PPP6C: variants seen among roughly 807,000 people sequenced by gnomAD.
PPP6C encodes the protein protein phosphatase 6 catalytic subunit.
In PPP6C, 11 loss-of-function variants were observed where a neutral mutation model predicts 39.8. That is an observed-to-expected ratio of 0.28 (90% CI 0.17 to 0.46). The LOEUF is 0.46. Among genes scored for constraint, PPP6C ranks in the 20% least tolerant of loss-of-function variants. PPP6C has a pLI of 1.00. For synonymous variants in PPP6C, 129 were observed against 130.3 expected, an observed-to-expected ratio of 0.99 and a Z score of 0.07; for missense variants, 211 against 373.9, an observed-to-expected ratio of 0.56 and a Z score of 3.59.
At chr9:125,157,152 A>G (rs971338419) in intron 4 of PPP6C, among the ~76,000 whole-genome samples, 2 of 108,528 alleles carry the variant, frequency 1.8e-5, no homozygotes, top group Admixed American at 1.3e-4. Flanking sequence ...TGCCCGGCTA[A>G]TTTTTGTATT....
At chr9:125,174,062 T>C (rs1361962008) in intron 1 of PPP6C, among the ~76,000 whole-genome samples, 1 of 152,230 alleles carries the variant, frequency 6.6e-6, no homozygotes, top group Non-Finnish European at 1.5e-5. Context: ...CCCTGCTATA[T>C]ACAGGGAACT....
At chr9:125,183,500 G>A (rs1829461365) in intron 1 of PPP6C, among the ~76,000 whole-genome samples, 1 of 152,072 alleles carries the variant, frequency 6.6e-6, no homozygotes, top group Non-Finnish European at 1.5e-5. Context: ...ACGAATCACA[G>A]TATGATTTTT....
rs5900644 is a variant in PPP6C at position 125,147,807 on chromosome 9, GAA to G, written c.*1864_*1865del. 1.6e-4 allele frequency: 24 copies of G among 151,574 alleles called. No individual in the cohort carries two copies. Among genetic ancestry groups the G allele is most frequent in the South Asian group, 9.6e-4 (5 of 5,222 alleles). The allele number at this position is 151,574 out of a possible 1,614,324, so 9.4% of individuals were successfully genotyped here. On this transcript the variant is annotated 3_prime_UTR_variant, in exon 7 of 7. Coordinates refer to ENST00000373547, the MANE Select transcript of PPP6C (RefSeq NM_002721.5). ...ACTTAAATACAATTTATGGTAACAG[GAA>G]AAAAAAAAATACTGCAGAGAGCTGT...
intron 4 of PPP6C, among the ~76,000 whole-genome samples, chr9:125,155,777 C>T (rs575227559): frequency 1.3e-4 from 20 of 151,716 alleles, no homozygotes; most frequent in African/African-American, 4.1e-4. Flanking sequence ...TGGTGGCGGG[C>T]GCCTGTAGTC....
intron 4 of PPP6C, among the ~76,000 whole-genome samples, chr9:125,157,681 C>T (rs1401001281): frequency 7.9e-6 from 1 of 126,834 alleles, no homozygotes; most frequent in Non-Finnish European, 1.6e-5. Context: ...GCCCAGCATT[C>T]TCCTTTTTTT....
Position 125,189,710 on chromosome 9 carries a change from C to G in PPP6C, c.9G>C (p.Pro3=). The part of the protein sequence containing the change: MA[P]LDLDKYVEIA... ...TTTCCACATACTTGTCCAGGTCTAG[C>G]GGCGCCATTTTAAGAATAACAAGCC... Residue 3 remains proline (P), a synonymous_variant, in exon 1 of 7, where the codon CCG becomes CCC. Coordinates refer to ENST00000373547, the MANE Select transcript of PPP6C (RefSeq NM_002721.5). 6.3e-7 allele frequency: 1 copy of G among 1,588,300 alleles called. No individual in the cohort carries two copies. Among genetic ancestry groups the G allele is most frequent in the Non-Finnish European group, 8.5e-7 (1 of 1,171,504 alleles).
At chr9:125,187,674 A>G (rs1829558568) in intron 1 of PPP6C, among the ~76,000 whole-genome samples, 1 of 151,970 alleles carries the variant, frequency 6.6e-6, no homozygotes, top group Non-Finnish European at 1.5e-5. Context: ...ATGTCAATTC[A>G]CTGACATGCA....
At position 125,171,074 on chromosome 9, in the gene PPP6C, T is replaced by C; in HGVS notation, c.171+11A>G. 2.0e-6 allele frequency: 3 copies of C among 1,528,448 alleles called. No individual in the cohort carries two copies. Among genetic ancestry groups the C allele is most frequent in the Middle Eastern group, 3.4e-4 (2 of 5,806 alleles). The allele number at this position is 1,528,448 out of a possible 1,614,324, so 94.7% of individuals were successfully genotyped here. ...AGTACAAAACTTAAAAATCTGCTCA[T>C]GAAATTTTACCTGTCCATGGATATC... On this transcript the variant is annotated intron_variant, in intron 2 of 6. Transcript: ENST00000373547.
At chr9:125,158,830 G>A (rs1370912472) in intron 3 of PPP6C, among the ~76,000 whole-genome samples, 1 of 151,492 alleles carries the variant, frequency 6.6e-6, no homozygotes, top group Non-Finnish European at 1.5e-5. Context: ...ACACCCGGCT[G>A]ATTTTTGTAT....
At chr9:125,167,371 A>T (rs571306665) in intron 2 of PPP6C, among the ~76,000 whole-genome samples, 1 of 105,182 alleles carries the variant, frequency 9.5e-6, no homozygotes, top group Admixed American at 1.2e-4. Context: ...ACAGAGCGAG[A>T]CCCTGTCCAA....
chr9:125,183,276 C>A (rs16927932), intron 1 of PPP6C, among the ~76,000 whole-genome samples: 3,536 of 152,244 alleles, frequency 0.023, 145 homozygotes, highest in African/African-American at 0.082. Context: ...CCATGGTCCA[C>A]AATGCTGCCA....
chr9:125,156,917 A>G (rs560775022), intron 4 of PPP6C, among the ~76,000 whole-genome samples: 1 of 151,932 alleles, frequency 6.6e-6, no homozygotes, highest in East Asian at 1.9e-4. Flanking sequence ...GGTTCAATCA[A>G]TTCTCCCTGC....
At chr9:125,180,857 T>C (rs1429178489) in intron 1 of PPP6C, among the ~76,000 whole-genome samples, 1 of 152,184 alleles carries the variant, frequency 6.6e-6, no homozygotes, top group East Asian at 1.9e-4. Flanking sequence ...AACAGTGGAC[T>C]ATAAACTGAA....
Position 125,172,859 on chromosome 9 carries a change from G to A in PPP6C, c.76-1679C>T, listed in dbSNP as rs930958345. Among the ~76,000 whole-genome samples, 4 of 152,076 alleles carry A rather than the reference G, an allele frequency of 2.6e-5. No individual in the cohort carries two copies. The East Asian group carries it at 5.8e-4, about 22-fold the overall frequency. On this transcript the variant is annotated intron_variant, in intron 1 of 6. Transcript: ENST00000373547. ...GATCATGAGTTGTATCAGTGTCAAT[G>A]TTGGCTGATGTTGTATTGGTTGTGG...
chr9:125,187,854 T>G (rs1829564167), intron 1 of PPP6C, among the ~76,000 whole-genome samples: 1 of 151,928 alleles, frequency 6.6e-6, no homozygotes, highest in Non-Finnish European at 1.5e-5. Context: ...AATGCTACAT[T>G]ACTACTAACG....
intron 6 of PPP6C, chr9:125,150,945 A>G (rs1236268759): frequency 8.5e-7 from 1 of 1,171,002 alleles, no homozygotes; most frequent in African/African-American, 1.5e-5. Context: ...GCAGGATAAT[A>G]AAGAGTCAGG....
chr9:125,157,644 T>C (rs924824822), intron 4 of PPP6C, among the ~76,000 whole-genome samples: 1 of 151,598 alleles, frequency 6.6e-6, no homozygotes, highest in African/African-American at 2.4e-5. Flanking sequence ...CACTCCAAAA[T>C]ATTTTGATTA....
Position 125,160,855 on chromosome 9 carries a change from T to G in PPP6C, c.223A>C (p.Asn75His). Residue 75 changes from asparagine to histidine, a missense_variant, in exon 3 of 7, where the codon AAC (asparagine) becomes CAC (histidine). Physicochemically the swap from Asn to His is moderately conservative, Grantham distance 68 (BLOSUM62 1). Transcript: ENST00000373547. The stretch of plus-strand genomic sequence containing the variant: ...TGTTTACATACCATAAATATGTAGT[T>G]TGTGTCAGGAACCTGACCTCCAGTT... ...FRTGGQVPDT[N>H]YIFMGDFVDR... The G allele has an allele frequency of 2.5e-6, 4 of 1,592,290 alleles. No homozygotes were observed. The highest frequency in any genetic ancestry group is 3.4e-6 in the Non-Finnish European group (4 of 1,170,870).
chr9:125,179,314 C>T (rs908805185), intron 1 of PPP6C, among the ~76,000 whole-genome samples: 2 of 152,056 alleles, frequency 1.3e-5, no homozygotes, highest in Non-Finnish European at 2.9e-5. Context: ...TCATCTCATT[C>T]TCTTGATAGG....
Sources: gnomAD v4.1 joint callset for allele counts (sites outside exome capture counted in the v4.1 genomes callset) on GRCh38, gnomAD v4.1.1 for gene constraint, MANE v1.5 for transcripts, NCBI Gene and HGNC (gene_info 2026-07-23, HGNC 2026-07-21) for gene names.